PTPRG: variants seen among roughly 807,000 people sequenced by gnomAD.
PTPRG encodes the protein protein tyrosine phosphatase receptor type G.
A neutral mutation model predicts 165.3 loss-of-function variants in PTPRG; 102 were observed. The observed-to-expected ratio is 0.62, with a 90% CI of 0.53 to 0.73. The LOEUF is 0.73. PTPRG is among the 30% of genes least tolerant of loss of function. The probability of loss-of-function intolerance (pLI) is 0.00; values close to 1 mark genes in which losing one functional copy is unlikely to be tolerated. For synonymous variants in PTPRG, 675 were observed against 669.5 expected, an observed-to-expected ratio of 1.01 and a Z score of -0.13; for missense variants, 1,866 against 1,861.4, an observed-to-expected ratio of 1.00 and a Z score of -0.05.
At chr3:61,819,793 G>C (rs569665020) in intron 2 of PTPRG, among the ~76,000 whole-genome samples, 1 of 152,264 alleles carries the variant, frequency 6.6e-6, no homozygotes, top group South Asian at 2.1e-4. Context: ...GGGGTAAATG[G>C]AGATAAAAGG....
rs1701145283 is a variant in PTPRG, at chr3:62,240,907, T to C, written c.2376-2900T>C. Among the ~76,000 whole-genome samples the C allele has an allele frequency of 6.6e-6, 1 of 152,176 alleles. No individual in the cohort carries two copies. Among genetic ancestry groups the C allele is most frequent in the African/African-American group, 2.4e-5 (1 of 41,432 alleles). On this transcript the variant is annotated intron_variant, in intron 14 of 29. Coordinates refer to ENST00000474889, the MANE Select transcript of PTPRG (RefSeq NM_002841.4). The surrounding 1 kb of genome is among the most constrained non-coding windows in gnomAD (Gnocchi z 5.1). ...GACTATTTGAAGCAATTTATTTGCT[T>C]GTTGTGGATTTTTCCCCATGAAGAC...
At chr3:61,731,498 A>G (rs1231102274) in intron 1 of PTPRG, among the ~76,000 whole-genome samples, 4 of 151,750 alleles carry the variant, frequency 2.6e-5, no homozygotes, top group Admixed American at 6.6e-5. Flanking sequence ...ACAGGCACGC[A>G]CCACCACGCC....
At chr3:62,022,933 T>C (rs2041731002) in intron 4 of PTPRG, among the ~76,000 whole-genome samples, 1 of 152,210 alleles carries the variant, frequency 6.6e-6, no homozygotes, top group African/African-American at 2.4e-5. Context: ...ATTTTTCTTG[T>C]CTGTTATTTT....
chr3:61,654,622 G>A (rs1226484038), intron 1 of PTPRG, among the ~76,000 whole-genome samples: 1 of 151,848 alleles, frequency 6.6e-6, no homozygotes, highest in East Asian at 1.9e-4. Flanking sequence ...CTGAGCTCAG[G>A]CAGTCCGCCC....
At chr3:62,277,796 T>G in intron 26 of PTPRG, 117 bp downstream of exon 26, 1 of 1,297,716 alleles carries the variant, frequency 7.7e-7, no homozygotes, top group Non-Finnish European at 1.1e-6. Flanking sequence ...GAATTTAAAA[T>G]TTTTAAATTC....
At chr3:61,975,170 A>G (rs1259543926) in intron 2 of PTPRG, among the ~76,000 whole-genome samples, 2 of 152,174 alleles carry the variant, frequency 1.3e-5, no homozygotes, top group Non-Finnish European at 2.9e-5. Flanking sequence ...TATAAATGTT[A>G]CCTGTTAATA....
At chr3:62,205,082 T>G (rs2106845026) in intron 12 of PTPRG, among the ~76,000 whole-genome samples, 1 of 152,182 alleles carries the variant, frequency 6.6e-6, no homozygotes, top group South Asian at 2.1e-4. Flanking sequence ...AGCTGAGATC[T>G]CGTATGTTAA....
At chr3:61,618,998 A>G (rs1173815430) in intron 1 of PTPRG, among the ~76,000 whole-genome samples, 4 of 148,166 alleles carry the variant, frequency 2.7e-5, no homozygotes, top group South Asian at 4.3e-4. Context: ...AAAAAAAAAA[A>G]AGTTAAAAAC....
intron 1 of PTPRG, among the ~76,000 whole-genome samples, chr3:61,691,708 G>C (rs1271422731): frequency 6.6e-6 from 1 of 152,158 alleles, no homozygotes; most frequent in Non-Finnish European, 1.5e-5. Flanking sequence ...AAATATCCCA[G>C]CAACGTTAGT....
intron 17 of PTPRG, chr3:62,263,777 C>G (rs1701770826): frequency 6.6e-6 from 1 of 152,232 alleles, no homozygotes; most frequent in Admixed American, 6.5e-5. Context: ...CTTTCGGAGG[C>G]CGAGGCAGGT....
chr3:61,783,893 T>C (rs2034616202), intron 2 of PTPRG, among the ~76,000 whole-genome samples: 1 of 152,148 alleles, frequency 6.6e-6, no homozygotes, highest in Non-Finnish European at 1.5e-5. Context: ...TGTGCAGTGA[T>C]TGACTGAGTT....
At chr3:62,071,962 A>G (rs1344432237) in intron 4 of PTPRG, among the ~76,000 whole-genome samples, 1 of 152,222 alleles carries the variant, frequency 6.6e-6, no homozygotes, top group African/African-American at 2.4e-5. Flanking sequence ...AAAAGTATCA[A>G]AGGCTCAGGT....
intron 2 of PTPRG, among the ~76,000 whole-genome samples, chr3:61,926,112 T>C (rs1317396413): frequency 6.6e-6 from 1 of 152,184 alleles, no homozygotes; most frequent in Admixed American, 6.5e-5. Context: ...CATGCTGATC[T>C]GGAGAGGTAA....
At chr3:61,997,348 C>CAT (rs1327488420) in intron 3 of PTPRG, among the ~76,000 whole-genome samples, 1 of 152,272 alleles carries the variant, frequency 6.6e-6, no homozygotes, top group East Asian at 1.9e-4. Context: ...CTCTCTCAAG[C>CAT]ATATCAAGGA....
intron 2 of PTPRG, among the ~76,000 whole-genome samples, chr3:61,903,546 G>A (rs1224109460): frequency 6.6e-6 from 1 of 151,992 alleles, no homozygotes; most frequent in Non-Finnish European, 1.5e-5. Flanking sequence ...GCTAATTTTT[G>A]TATGTTTAGT....
At chr3:61,862,053 C>A (rs898445703) in intron 2 of PTPRG, among the ~76,000 whole-genome samples, 3 of 152,164 alleles carry the variant, frequency 2.0e-5, no homozygotes, top group Admixed American at 6.5e-5. Flanking sequence ...CTGTTAGGAA[C>A]TGGGCTGCAC....
intron 2 of PTPRG, among the ~76,000 whole-genome samples, chr3:61,903,350 C>T (rs533890373): frequency 6.6e-6 from 1 of 152,150 alleles, no homozygotes; most frequent in Non-Finnish European, 1.5e-5. Flanking sequence ...ACTGATACTG[C>T]AGTCACGTGG....
At chr3:61,930,537 T>G (rs1559695870) in intron 2 of PTPRG, among the ~76,000 whole-genome samples, 1 of 152,140 alleles carries the variant, frequency 6.6e-6, no homozygotes, top group African/African-American at 2.4e-5. Context: ...TGAACAACTG[T>G]TTTCTTCATC....
intron 13 of PTPRG, among the ~76,000 whole-genome samples, chr3:62,225,269 G>GA (rs751411913): frequency 8.5e-5 from 13 of 152,172 alleles, no homozygotes; most frequent in South Asian, 4.1e-4. Context: ...TGACATTCCT[G>GA]AAAAGACTTG....
Sources: gnomAD v4.1 joint callset for allele counts (sites outside exome capture counted in the v4.1 genomes callset) on GRCh38, gnomAD v4.1.1 for gene constraint, Gnocchi (gnomAD v3.1) non-coding constraint, MANE v1.5 for transcripts, NCBI Gene and HGNC (gene_info 2026-07-23, HGNC 2026-07-21) for gene names.